The following WARS1 variants were observed in gnomAD, a reference collection of about 807,000 sequenced individuals.
The protein encoded by WARS1 is tryptophanyl-tRNA synthetase 1.
WARS1 carries 17 observed loss-of-function variants against 47.8 expected under a neutral mutation model. That is an observed-to-expected ratio of 0.36 (90% CI 0.24 to 0.53). The LOEUF is 0.53. Ranked by LOEUF, WARS1 falls within the 20% of genes least tolerant of loss-of-function variation. The pLI is 0.91. For synonymous variants in WARS1, 208 were observed against 228.1 expected (o/e 0.91, Z 0.79); for missense variants, 434 against 608.0 (o/e 0.71, Z 3.01).
chr14:100,366,820 T>C (rs1024039887), intron 2 of WARS1: 3 of 1,491,868 alleles, frequency 2.0e-6, no homozygotes, highest in African/African-American at 1.4e-5. Flanking sequence ...CCTTTTTTGA[T>C]GTATTGTTTA....
chr14:100,350,778 G>T (rs1894929457), intron 6 of WARS1, among the ~76,000 whole-genome samples: 1 of 152,210 alleles, frequency 6.6e-6, no homozygotes, highest in African/African-American at 2.4e-5. Context: ...TGGGGAGAGG[G>T]CCACACTGTA....
At chr14:100,365,400 C>G (rs771161699) in intron 2 of WARS1, 6 of 204,902 alleles carry the variant, frequency 2.9e-5, no homozygotes, top group Non-Finnish European at 6.2e-5. Flanking sequence ...GCCAACATGG[C>G]AAGACCCCCT....
chr14:100,337,630 C>T (rs996053459), intron 9 of WARS1, among the ~76,000 whole-genome samples: 5 of 145,104 alleles, frequency 3.4e-5, no homozygotes, highest in African/African-American at 7.7e-5. Flanking sequence ...GGGGGAGGAT[C>T]GATTGAGGCC....
chr14:100,340,913 TTTTC>T (rs978458076), intron 9 of WARS1, among the ~76,000 whole-genome samples: 11 of 126,084 alleles, frequency 8.7e-5, no homozygotes, highest in Non-Finnish European at 1.5e-4. Flanking sequence ...TTCTTTTTTC[TTTTC>T]TTTTTTTTTT....
At chr14:100,359,546 C>T (rs930682043) in intron 4 of WARS1, among the ~76,000 whole-genome samples, 1 of 152,192 alleles carries the variant, frequency 6.6e-6, no homozygotes, top group Non-Finnish European at 1.5e-5. Flanking sequence ...TGCCTACCTA[C>T]TGTTCCAAAA....
chr14:100,353,652 C>T, intron 6 of WARS1, 35 bp downstream of exon 6: 2 of 1,608,238 alleles, frequency 1.2e-6, no homozygotes, highest in South Asian at 1.1e-5. Context: ...TCCTCCTCTA[C>T]CTATTGAAAA....
In WARS1 at chr14:100,334,841, A is replaced by C. The variant is rs778223361; in HGVS notation, c.*34T>G. 6.2e-7 allele frequency: 1 copy of C among 1,608,390 alleles called. No individual in the cohort carries two copies. Among genetic ancestry groups the C allele is most frequent in the Non-Finnish European group, 8.5e-7 (1 of 1,176,086 alleles). ...GGGATTATTGATACATTACTGATAC[A>C]TCACTTCTTTTATAAGCATATGTAA... On this transcript the variant is annotated 3_prime_UTR_variant, in exon 11 of 11. Coordinates refer to ENST00000392882, the MANE Select transcript of WARS1 (RefSeq NM_004184.4).
chr14:100,366,198 C>T (rs1390815394), intron 2 of WARS1: 1 of 435,646 alleles, frequency 2.3e-6, no homozygotes, highest in East Asian at 7.1e-5. Context: ...ACAGCCCAGC[C>T]CTTCTCTCCC....
At chr14:100,336,863 T>A in intron 10 of WARS1, 199 bp downstream of exon 10, 1 of 597,226 alleles carries the variant, frequency 1.7e-6, no homozygotes, top group South Asian at 2.9e-5. Context: ...GTGATTTGTA[T>A]CTGCTCTTTC....
intron 6 of WARS1, among the ~76,000 whole-genome samples, chr14:100,348,130 A>C (rs1355680456): frequency 1.3e-5 from 2 of 152,240 alleles, no homozygotes; most frequent in African/African-American, 4.8e-5. Flanking sequence ...TCACAGGCCC[A>C]GTGAGTACAG....
intron 9 of WARS1, among the ~76,000 whole-genome samples, chr14:100,339,120 C>CAT (rs773327411): frequency 5.5e-5 from 2 of 36,124 alleles, no homozygotes; most frequent in African/African-American, 1.0e-4. Flanking sequence ...CACACACACA[C>CAT]ACATACACAC....
Position 100,334,387 on chromosome 14 carries a change from G to C in WARS1, c.*488C>G, listed in dbSNP as rs1294502090. The C allele has an allele frequency of 6.6e-6, 1 of 152,308 alleles. No individual in the cohort carries two copies. The highest frequency in any genetic ancestry group is 2.4e-5 in the African/African-American group (1 of 41,398). 9.4% of individuals were successfully genotyped at this position (152,308 alleles called of 1,614,324 possible). ...CAATTTCTTTTTGGGAGGGGGCATG[G>C]GCTGAAATACATCTTGTGCTCAATA... On this transcript the variant is annotated 3_prime_UTR_variant, in exon 11 of 11. Transcript: ENST00000392882.
intron 6 of WARS1, among the ~76,000 whole-genome samples, chr14:100,348,626 G>A (rs576167051): frequency 6.6e-6 from 1 of 152,252 alleles, no homozygotes; most frequent in Non-Finnish European, 1.5e-5. Flanking sequence ...AGGCAGGGAG[G>A]GTCCCTCCTG....
chr14:100,362,288 CGT>C lies in WARS1; in HGVS notation c.100-369_100-368del, dbSNP rs1566860787. ...CTCAAACACCACTGATGCCAGAGAA[CGT>C]GTGTGACAAGCTCCTTTAATTGAGA... is the stretch of plus-strand genomic sequence containing the variant. On this transcript the variant is annotated intron_variant, in intron 2 of 10. Transcript: ENST00000392882. 2.6e-5 allele frequency among the ~76,000 whole-genome samples: 4 copies of C among 152,240 alleles called. 1 individual carries two copies. In the South Asian group the frequency reaches 6.2e-4, roughly 24 times the overall value.
chr14:100,350,404 A>AAAAAAG (rs1426510812), intron 6 of WARS1, among the ~76,000 whole-genome samples: 3 of 150,242 alleles, frequency 2.0e-5, no homozygotes, highest in African/African-American at 7.3e-5. Context: ...AAAAAGAAAA[A>AAAAAAG]AAAAAAAAAA....
intron 4 of WARS1, among the ~76,000 whole-genome samples, chr14:100,359,174 C>T (rs939452606): frequency 5.3e-5 from 8 of 151,992 alleles, no homozygotes; most frequent in Non-Finnish European, 1.0e-4. Context: ...AGGTATATGC[C>T]CAAGAGAATT....
chr14:100,346,894 T>C, intron 6 of WARS1, 48 bp from the exon 7 acceptor site: 3 of 1,533,442 alleles, frequency 2.0e-6, no homozygotes, highest in Non-Finnish European at 2.7e-6. Context: ...CGGCCTTCAC[T>C]GAAGGCAAAG....
chr14:100,347,101 A>C (rs772233890), intron 6 of WARS1, among the ~76,000 whole-genome samples: 1 of 152,260 alleles, frequency 6.6e-6, no homozygotes, highest in Non-Finnish European at 1.5e-5. Flanking sequence ...ACCGACGTGA[A>C]GCAGACATAC....
intron 6 of WARS1, among the ~76,000 whole-genome samples, chr14:100,348,843 G>A (rs1894792593): frequency 6.6e-6 from 1 of 152,192 alleles, no homozygotes; most frequent in Non-Finnish European, 1.5e-5. Flanking sequence ...GTTAGAGCAC[G>A]CTGCCCTTTC....
Sources: gnomAD v4.1 joint callset for allele counts (sites outside exome capture counted in the v4.1 genomes callset) on GRCh38, gnomAD v4.1.1 for gene constraint, MANE v1.5 for transcripts, NCBI Gene and HGNC (gene_info 2026-07-23, HGNC 2026-07-21) for gene names.